The following MCUB variants were observed in gnomAD, a reference collection of about 807,000 sequenced individuals.
MCUB encodes mitochondrial calcium uniporter dominant negative subunit beta.
MCUB carries 46 observed loss-of-function variants against 41.4 expected under a neutral mutation model. That is an observed-to-expected ratio of 1.11 (90% CI 0.88 to 1.42). The LOEUF is 1.42. MCUB is among the 40% of genes most tolerant of loss of function. The pLI, the probability that MCUB is intolerant of heterozygous loss-of-function variation, is 0.00. For synonymous variants in MCUB, 148 were observed against 148.2 expected (o/e 1.00, Z 0.01); for missense variants, 403 against 404.9 (o/e 1.00, Z 0.04).
intron 1 of MCUB, among the ~76,000 whole-genome samples, chr4:109,596,450 C>G (rs1218170835): frequency 1.3e-5 from 2 of 149,750 alleles, no homozygotes; most frequent in Non-Finnish European, 3.0e-5. Flanking sequence ...ATGAGACACA[C>G]CAGACCAGGT....
chr4:109,631,076 G>A (rs898651584), intron 1 of MCUB, among the ~76,000 whole-genome samples: 1 of 152,066 alleles, frequency 6.6e-6, no homozygotes, highest in Non-Finnish European at 1.5e-5. Context: ...CTCAATTTCT[G>A]GACAGAAGTC....
At chr4:109,624,632 AAGAAAGAAGTTGAGAAAG>A (rs1728323902) in intron 1 of MCUB, among the ~76,000 whole-genome samples, 1 of 152,122 alleles carries the variant, frequency 6.6e-6, no homozygotes, top group South Asian at 2.1e-4. Context: ...AAACTGGAGG[AAGAAAGAAGTTGAGAAAG>A]AGGAAGAAGT....
chr4:109,652,595 G>C lies in MCUB; in HGVS notation c.100-6416G>C, dbSNP rs375759763. Among the ~76,000 whole-genome samples the C allele has an allele frequency of 5.9e-5, 9 of 152,244 alleles. No individual in the cohort carries two copies. The East Asian group carries it at 1.5e-3, about 26-fold the overall frequency. On this transcript the variant is annotated intron_variant, in intron 1 of 7. Transcript: ENST00000394650. ...GGTGAAAGGGCAAGAGGCGGAGAGAGAAAGCTCAATCAAACCCGCAGCCTC... is the reference window on the plus strand; with the variant it reads ...GGTGAAAGGGCAAGAGGCGGAGAGACAAAGCTCAATCAAACCCGCAGCCTC...
chr4:109,669,497 T>A (rs1729410228), intron 4 of MCUB, among the ~76,000 whole-genome samples: 1 of 152,130 alleles, frequency 6.6e-6, no homozygotes, highest in Non-Finnish European at 1.5e-5. Flanking sequence ...GTATGTGTAG[T>A]TTTCTCTTGG....
chr4:109,662,606 A>G (rs1561245731), intron 3 of MCUB, among the ~76,000 whole-genome samples: 2 of 152,184 alleles, frequency 1.3e-5, no homozygotes. Context: ...ATACATGAAA[A>G]ATTTAACACT....
At chr4:109,614,327 C>T (rs1220962841) in intron 1 of MCUB, among the ~76,000 whole-genome samples, 2 of 152,050 alleles carry the variant, frequency 1.3e-5, no homozygotes, top group African/African-American at 4.8e-5. Flanking sequence ...ACCATAAATT[C>T]ATATGTGGAA....
chr4:109,563,364 TCCA>T (rs1186433160), intron 1 of MCUB, among the ~76,000 whole-genome samples: 1 of 152,192 alleles, frequency 6.6e-6, no homozygotes, highest in Admixed American at 6.5e-5. Flanking sequence ...ATGTTTAAAT[TCCA>T]CCACAAGATG....
intron 1 of MCUB, among the ~76,000 whole-genome samples, chr4:109,645,193 TAGAA>T (rs1728807130): frequency 6.6e-6 from 1 of 152,158 alleles, no homozygotes; most frequent in Admixed American, 6.6e-5. Context: ...TCATTAGAAC[TAGAA>T]GGCTAAAAGT....
intron 1 of MCUB, among the ~76,000 whole-genome samples, chr4:109,609,780 T>C (rs1195922181): frequency 1.3e-5 from 2 of 152,150 alleles, no homozygotes; most frequent in East Asian, 3.9e-4. Context: ...CCCTGGCTAC[T>C]GCCTATGTTC....
intron 1 of MCUB, among the ~76,000 whole-genome samples, chr4:109,603,698 G>A (rs187555906): frequency 0.029 from 4,329 of 149,512 alleles, 199 homozygotes; most frequent in African/African-American, 0.1. Context: ...ACTGAGGAGC[G>A]CCTCTGTCCG....
intron 1 of MCUB, among the ~76,000 whole-genome samples, chr4:109,632,823 C>A (rs1430485781): frequency 6.6e-6 from 1 of 152,052 alleles, no homozygotes; most frequent in Non-Finnish European, 1.5e-5. Flanking sequence ...CCATGTTGGC[C>A]AGGCTGATCT....
chr4:109,684,704 C>G, intron 6 of MCUB, 58 bp downstream of exon 6: 1 of 815,940 alleles, frequency 1.2e-6, no homozygotes, highest in South Asian at 1.7e-5. Context: ...AATGTCTTAT[C>G]TAAGCAATGA....
At chr4:109,585,752 T>C (rs1017879095) in intron 1 of MCUB, among the ~76,000 whole-genome samples, 4 of 152,272 alleles carry the variant, frequency 2.6e-5, no homozygotes, top group Non-Finnish European at 5.9e-5. Flanking sequence ...AAAATTCTTT[T>C]CTTTAAGAAT....
chr4:109,650,508 G>C (rs534869074), intron 1 of MCUB, among the ~76,000 whole-genome samples: 1 of 152,054 alleles, frequency 6.6e-6, no homozygotes, highest in Non-Finnish European at 1.5e-5. Context: ...CAGTCTCTCA[G>C]AATTGTGTGA....
At chr4:109,567,602 G>C (rs779308216) in intron 1 of MCUB, among the ~76,000 whole-genome samples, 73 of 138,376 alleles carry the variant, frequency 5.3e-4, no homozygotes, top group Non-Finnish European at 8.9e-4. Context: ...TAGAGACCGA[G>C]TTTGGTTTCA....
intron 1 of MCUB, among the ~76,000 whole-genome samples, chr4:109,643,154 A>G (rs1728759184): frequency 6.6e-6 from 1 of 151,894 alleles, no homozygotes. Context: ...CCAAGAGAAA[A>G]AATATTATTC....
intron 4 of MCUB, among the ~76,000 whole-genome samples, chr4:109,678,973 C>T (rs1013961438): frequency 5.5e-5 from 8 of 144,190 alleles, no homozygotes; most frequent in African/African-American, 1.1e-4. Context: ...ACTTCCCATT[C>T]GGGGCAGCCA....
chr4:109,658,418 C>T (rs544383981), intron 1 of MCUB, among the ~76,000 whole-genome samples: 1 of 152,084 alleles, frequency 6.6e-6, no homozygotes, highest in South Asian at 2.1e-4. Flanking sequence ...CTGCCTCAGC[C>T]TCGCGAGTAG....
At chr4:109,681,476 G>T (rs1214947350) in intron 4 of MCUB, 1 of 453,610 alleles carries the variant, frequency 2.2e-6, no homozygotes, top group Non-Finnish European at 4.4e-6. Context: ...CTCCCAAGAT[G>T]GTCGTGGGCC....
Sources: allele counts gnomAD v4.1 joint callset (sites outside exome capture counted in the v4.1 genomes callset), GRCh38; gene constraint gnomAD v4.1.1; transcripts MANE v1.5; gene names NCBI Gene and HGNC (gene_info 2026-07-23, HGNC 2026-07-21).